The following RIT2 variants were observed in gnomAD, a reference collection of about 807,000 sequenced individuals.
RIT2 encodes the protein Ras like without CAAX 2.
In RIT2, 24 loss-of-function variants were observed where a neutral mutation model predicts 23.7. The ratio of observed to expected loss-of-function variants is 1.01; its 90% CI spans 0.73 to 1.43. The LOEUF is 1.43. Among genes scored for constraint, RIT2 ranks in the 40% most tolerant of loss-of-function variants. The pLI, the probability that RIT2 is intolerant of heterozygous loss-of-function variation, is 0.00. For synonymous variants in RIT2, 107 were observed against 91.1 expected (o/e 1.17, Z -0.99); for missense variants, 236 against 266.9 (o/e 0.88, Z 0.81).
chr18:43,063,886 G>A (rs1419636436), intron 1 of RIT2, among the ~76,000 whole-genome samples: 3 of 152,142 alleles, frequency 2.0e-5, no homozygotes, highest in Non-Finnish European at 2.9e-5. Flanking sequence ...TCATAGGGAG[G>A]AGTAAGACCT....
intron 3 of RIT2, among the ~76,000 whole-genome samples, chr18:42,969,304 C>G (rs1392600136): frequency 6.6e-6 from 1 of 151,870 alleles, no homozygotes; most frequent in Non-Finnish European, 1.5e-5. Flanking sequence ...GGGGTCATGC[C>G]CTTAAGTATT....
chr18:43,036,738 C>T (rs1911985581), intron 1 of RIT2, among the ~76,000 whole-genome samples: 1 of 152,062 alleles, frequency 6.6e-6, no homozygotes, highest in Middle Eastern at 3.2e-3. Flanking sequence ...AGCTTTGTTT[C>T]AGAATTCAAA....
intron 4 of RIT2, among the ~76,000 whole-genome samples, chr18:42,871,650 C>T (rs1907623670): frequency 6.6e-6 from 1 of 152,168 alleles, no homozygotes; most frequent in Admixed American, 6.5e-5. Context: ...CGCCAAAACT[C>T]ATTATTCCTC....
At chr18:42,985,101 A>G (rs1910681058) in intron 2 of RIT2, among the ~76,000 whole-genome samples, 1 of 152,128 alleles carries the variant, frequency 6.6e-6, no homozygotes, top group South Asian at 2.1e-4. Flanking sequence ...AACTTAGTAA[A>G]GAAAAATCAA....
intron 3 of RIT2, among the ~76,000 whole-genome samples, chr18:42,965,398 A>T (rs141354364): frequency 1.3e-5 from 2 of 152,166 alleles, no homozygotes; most frequent in Non-Finnish European, 2.9e-5. Context: ...CTTATTCTTA[A>T]CTGTGCCTCT....
intron 4 of RIT2, among the ~76,000 whole-genome samples, chr18:42,795,077 A>C (rs974975003): frequency 4.6e-5 from 7 of 152,344 alleles, no homozygotes; most frequent in Admixed American, 4.6e-4. Context: ...GAGAGGTGAC[A>C]GTGTGCTGGC....
intron 4 of RIT2, among the ~76,000 whole-genome samples, chr18:42,747,256 C>A (rs1406795599): frequency 6.6e-6 from 1 of 151,824 alleles, no homozygotes; most frequent in South Asian, 2.1e-4. Flanking sequence ...CCAACAGCGA[C>A]CAAGCTGATA....
intron 4 of RIT2, among the ~76,000 whole-genome samples, chr18:42,900,344 G>A (rs1307161249): frequency 1.2e-4 from 18 of 152,000 alleles, no homozygotes; most frequent in Admixed American, 1.2e-3. Flanking sequence ...CTTAGAGTCA[G>A]GAATCTAAAT....
intron 2 of RIT2, among the ~76,000 whole-genome samples, chr18:43,004,723 C>T (rs951541619): frequency 6.6e-6 from 1 of 151,854 alleles, no homozygotes; most frequent in Non-Finnish European, 1.5e-5. Flanking sequence ...TGAGACCATT[C>T]ACTACAACAA....
intron 3 of RIT2, among the ~76,000 whole-genome samples, chr18:42,931,472 TAAG>T (rs974612540): frequency 2.6e-4 from 39 of 152,166 alleles, no homozygotes; most frequent in African/African-American, 8.9e-4. Flanking sequence ...TGTCTTACAC[TAAG>T]AAGGGAGGAG....
intron 4 of RIT2, among the ~76,000 whole-genome samples, chr18:42,864,051 A>T (rs1324941116): frequency 6.6e-6 from 1 of 151,958 alleles, no homozygotes; most frequent in African/African-American, 2.4e-5. Flanking sequence ...ATGAAAAAAA[A>T]AAACGATATG....
At chr18:42,752,731 A>C (rs2143885907) in intron 4 of RIT2, among the ~76,000 whole-genome samples, 1 of 152,284 alleles carries the variant, frequency 6.6e-6, no homozygotes, top group South Asian at 2.1e-4. Flanking sequence ...GTTAAATTTT[A>C]AATAAATGCA....
intron 1 of RIT2, among the ~76,000 whole-genome samples, chr18:43,095,789 A>G (rs1913538180): frequency 6.6e-6 from 1 of 152,016 alleles, no homozygotes; most frequent in Non-Finnish European, 1.5e-5. Flanking sequence ...ATTTGATTAG[A>G]CAAGATATTT....
chr18:42,757,416 C>G (rs1483039268), intron 4 of RIT2, among the ~76,000 whole-genome samples: 1 of 152,088 alleles, frequency 6.6e-6, no homozygotes, highest in African/African-American at 2.4e-5. Context: ...GCTCAAGGTT[C>G]CCCAGAGGTA....
At chr18:43,056,020 A>G (rs1489564004) in intron 1 of RIT2, among the ~76,000 whole-genome samples, 1 of 152,082 alleles carries the variant, frequency 6.6e-6, no homozygotes, top group African/African-American at 2.4e-5. Context: ...ATTGGCTTCC[A>G]TAGTGTGTGT....
intron 4 of RIT2, among the ~76,000 whole-genome samples, chr18:42,842,627 A>G (rs76907302): frequency 0.026 from 4,010 of 152,242 alleles, 180 homozygotes; most frequent in African/African-American, 0.089. Flanking sequence ...AAACTAAGAT[A>G]AAGTTTATTA....
chr18:42,965,682 T>C (rs1216362963), intron 3 of RIT2, among the ~76,000 whole-genome samples: 2 of 142,832 alleles, frequency 1.4e-5, no homozygotes, highest in South Asian at 4.4e-4. Context: ...TATAAAAATA[T>C]GGTGGTAAAC....
intron 2 of RIT2, among the ~76,000 whole-genome samples, chr18:42,989,110 G>A (rs2144224797): frequency 6.6e-6 from 1 of 152,300 alleles, no homozygotes; most frequent in East Asian, 1.9e-4. Context: ...CCTTTGTGAA[G>A]TTGGACAATC....
At chr18:42,912,518 C>T (rs1030707961) in intron 4 of RIT2, among the ~76,000 whole-genome samples, 3 of 151,862 alleles carry the variant, frequency 2.0e-5, no homozygotes, top group African/African-American at 7.2e-5. Context: ...CTGTCTAGAA[C>T]ACCCCAAGCA....
Sources: gnomAD v4.1 joint callset for allele counts (sites outside exome capture counted in the v4.1 genomes callset) on GRCh38, gnomAD v4.1.1 for gene constraint, MANE v1.5 for transcripts, NCBI Gene and HGNC (gene_info 2026-07-23, HGNC 2026-07-21) for gene names.